The following MOV10 variants were observed in gnomAD, a reference collection of about 807,000 sequenced individuals.
The protein encoded by MOV10 is Mov10 RNA helicase, also known as RNA helicase MOV-10.
In MOV10, 39 loss-of-function variants were observed where a neutral mutation model predicts 108.4. The ratio of observed to expected loss-of-function variants is 0.36; its 90% CI spans 0.28 to 0.47. MOV10 has a LOEUF of 0.47. Among genes scored for constraint, MOV10 ranks in the 20% least tolerant of loss-of-function variants. The pLI, the probability that MOV10 is intolerant of heterozygous loss-of-function variation, is 1.00. For synonymous variants in MOV10, 490 were observed against 523.1 expected (o/e 0.94, Z 0.86); for missense variants, 952 against 1,297.6 (o/e 0.73, Z 4.09).
rs772592809 is a variant in MOV10 at position 112,698,267 on chromosome 1, TC to T, written c.2317-15del. On this transcript the variant is annotated intron_variant, in intron 15 of 20. Coordinates refer to ENST00000369645, the MANE Select transcript of MOV10 (RefSeq NM_001321324.2). ...AGGGAGGGTGGTCTGGCTGACGGTT[TC>T]CCCCGACCCCATGTCCAGGGCTTTC... 13 of 1,607,808 alleles carry T rather than the reference TC, an allele frequency of 8.1e-6. No homozygotes were observed. Among genetic ancestry groups the T allele is most frequent in the South Asian group, 1.1e-5 (1 of 90,536 alleles).
At chr1:112,680,608 A>C (rs1159255681) in intron 2 of MOV10, among the ~76,000 whole-genome samples, 25 of 121,288 alleles carry the variant, frequency 2.1e-4, no homozygotes, top group African/African-American at 6.5e-4. Flanking sequence ...GTGAGCCGAG[A>C]TTGTACCACT....
chr1:112,699,865 C>T lies in MOV10; in HGVS notation c.2710-29C>T, dbSNP rs372123261. 6.8e-6 allele frequency: 11 copies of T among 1,614,016 alleles called. No homozygotes were observed. In the South Asian group the frequency reaches 7.7e-5, roughly 11 times the overall value. ...TCTTCCATTCTCGGGGCTCTTCCCT[C>T]CCATGACCACACCACTTCTTCCTTC... On this transcript the variant is annotated intron_variant, in intron 18 of 20. Coordinates refer to ENST00000369645, the MANE Select transcript of MOV10 (RefSeq NM_001321324.2).
intron 7 of MOV10, among the ~76,000 whole-genome samples, chr1:112,693,495 C>T (rs1014420993): frequency 2.6e-5 from 4 of 152,090 alleles, no homozygotes; most frequent in African/African-American, 9.7e-5. Context: ...TCCCAAGTAG[C>T]TGGGACCACA....
rs1310678246 is a variant in MOV10 at position 112,675,584 on chromosome 1, T to A, written c.137+535T>A. Reference sequence around the variant, plus strand: ...TAGAAGGGAGAAGCTCAGGAAGCTCTGGAAAGAAGAAAAGGGCACAAACTA... The same window carrying A: ...TAGAAGGGAGAAGCTCAGGAAGCTCAGGAAAGAAGAAAAGGGCACAAACTA... On this transcript the variant is annotated intron_variant, in intron 2 of 20. Transcript: ENST00000369645. The surrounding 1 kb of genome is among the most constrained non-coding windows in gnomAD (Gnocchi z 4.7). Among the ~76,000 whole-genome samples, 1 of 152,156 alleles carries A rather than the reference T, an allele frequency of 6.6e-6. No homozygotes were observed. The highest frequency in any genetic ancestry group is 1.5e-5 in the Non-Finnish European group (1 of 68,018).
Position 112,695,505 on chromosome 1 carries a change from C to G in MOV10, c.1710C>G (p.His570Gln). The change falls in exon 11 of 21, where the codon CAC (histidine) becomes CAG (glutamine). Residue 570 changes from histidine (H) to glutamine (Q), a missense_variant. By Grantham distance (24) the His-to-Gln change is conservative. Coordinates refer to ENST00000369645, the MANE Select transcript of MOV10 (RefSeq NM_001321324.2). ...TACTCTGTCAAAGGCTCCGGGTCCACCTTCCTAGCTCCATCTACCGCCTCC... is the reference window on the plus strand; with the variant it reads ...TACTCTGTCAAAGGCTCCGGGTCCAGCTTCCTAGCTCCATCTACCGCCTCC... ...ADLLCQRLRV[H>Q]LPSSIYRLLA... The G allele has an allele frequency of 6.2e-7, 1 of 1,614,234 alleles. No individual in the cohort carries two copies. Among genetic ancestry groups the G allele is most frequent in the Non-Finnish European group, 8.5e-7 (1 of 1,180,050 alleles).
intron 7 of MOV10, 71 bp downstream of exon 7, chr1:112,693,000 T>C: frequency 2.1e-6 from 3 of 1,425,462 alleles, no homozygotes; most frequent in Non-Finnish European, 2.9e-6. Context: ...GGCAGAACTA[T>C]TCCTGACAGC....
intron 2 of MOV10, chr1:112,688,486 C>T: frequency 9.4e-7 from 1 of 1,063,776 alleles, no homozygotes; most frequent in Non-Finnish European, 1.1e-6. Context: ...TCTCTCCTCA[C>T]CAACAGGCTG....
At chr1:112,696,874 C>T in intron 14 of MOV10, 28 bp downstream of exon 14, 1 of 1,540,476 alleles carries the variant, frequency 6.5e-7, no homozygotes, top group Non-Finnish European at 8.8e-7. Flanking sequence ...CCTCCCCTGC[C>T]ATATCCTATG....
intron 2 of MOV10, among the ~76,000 whole-genome samples, chr1:112,682,687 G>A (rs888816866): frequency 6.6e-6 from 1 of 152,090 alleles, no homozygotes; most frequent in African/African-American, 2.4e-5. Flanking sequence ...TTTCATGACA[G>A]TACCTGTTCT....
intron 13 of MOV10, 29 bp downstream of exon 13, chr1:112,696,563 T>C (rs759622921): frequency 1.9e-6 from 3 of 1,611,610 alleles, no homozygotes; most frequent in East Asian, 4.5e-5. Flanking sequence ...GCTGCAGGTA[T>C]ACACCCTGTG....
In MOV10 at chr1:112,688,465, C is replaced by T. The variant is rs1407373177; in HGVS notation, c.138-470C>T. On this transcript the variant is annotated intron_variant, in intron 2 of 20. Coordinates refer to ENST00000369645, the MANE Select transcript of MOV10 (RefSeq NM_001321324.2). Reference sequence around the variant, plus strand: ...CCACACACTTGGACATCTGTACTGTCTCTGATCCCTTCTCTCCTCACCAAC... The same window carrying T: ...CCACACACTTGGACATCTGTACTGTTTCTGATCCCTTCTCTCCTCACCAAC... 7 of 1,046,622 alleles carry T rather than the reference C, an allele frequency of 6.7e-6. No homozygotes were observed. The African/African-American group carries it at 1.2e-4, about 18-fold the overall frequency. 64.8% of individuals were successfully genotyped at this position (1,046,622 alleles called of 1,614,324 possible).
chr1:112,678,390 G>A (rs1391303466), intron 2 of MOV10, among the ~76,000 whole-genome samples: 1 of 152,096 alleles, frequency 6.6e-6, no homozygotes, highest in African/African-American at 2.4e-5. Context: ...GAATGGCAAA[G>A]CAAAAGTGAG....
In MOV10 at chr1:112,696,801, A is replaced by G. The variant is rs527541634; in HGVS notation, c.2153A>G (p.Asp718Gly). ...TYNSLYKKGPDGYDPQFITKL... is the reference protein window; with the variant it reads ...TYNSLYKKGPGGYDPQFITKL... ...AACTCCCTGTACAAGAAGGGCCCTG[A>G]TGGCTATGACCCCCAGTTCATAACC... The change falls in exon 14 of 21, where the codon GAT (aspartate) becomes GGT (glycine). Residue 718 changes from aspartate to glycine, a missense_variant. By Grantham distance (94) the Asp-to-Gly change is moderately conservative. Around this residue, in one of 5 missense-constraint regions of MOV10, gnomAD observed 453 missense variants for 611.5 expected, o/e 0.74. Transcript: ENST00000369645. 1.2e-6 allele frequency: 2 copies of G among 1,605,544 alleles called. No homozygotes were observed. Among genetic ancestry groups the G allele is most frequent in the South Asian group, 2.2e-5 (2 of 89,556 alleles).
At chr1:112,678,947 C>G (rs567663328) in intron 2 of MOV10, among the ~76,000 whole-genome samples, 2 of 151,998 alleles carry the variant, frequency 1.3e-5, no homozygotes, top group South Asian at 4.2e-4. Context: ...CAATGCCTGC[C>G]CTTGAAACAA....
At chr1:112,693,954 T>C (rs1270697165) in intron 7 of MOV10, 64 bp from the exon 8 acceptor site, 1 of 1,538,188 alleles carries the variant, frequency 6.5e-7, no homozygotes, top group East Asian at 2.3e-5. Context: ...CTGGGGAACC[T>C]GGGGGCTGGG....
At chr1:112,678,732 G>A (rs1347759001) in intron 2 of MOV10, among the ~76,000 whole-genome samples, 1 of 152,052 alleles carries the variant, frequency 6.6e-6, no homozygotes, top group Non-Finnish European at 1.5e-5. Context: ...AGGGCCCTGG[G>A]TAGGCATTGT....
At chr1:112,695,157 TGAGGCTGCAGTGC>T (rs1673953753) in intron 10 of MOV10, among the ~76,000 whole-genome samples, 1 of 152,058 alleles carries the variant, frequency 6.6e-6, no homozygotes. Context: ...GCTGGGCACT[TGAGGCTGCAGTGC>T]GATTGTGCCA....
chr1:112,696,857 G>A lies in MOV10; in HGVS notation c.2198+11G>A. On this transcript the variant is annotated intron_variant, in intron 14 of 20. Transcript: ENST00000369645. ...GCTCCGCAACTACAGGTATTCCCATGCCCTTGCCTCCCCTGCCATATCCTA... is the reference window on the plus strand; with the variant it reads ...GCTCCGCAACTACAGGTATTCCCATACCCTTGCCTCCCCTGCCATATCCTA... 13 of 1,564,184 alleles carry A rather than the reference G, an allele frequency of 8.3e-6. No homozygotes were observed. The highest frequency in any genetic ancestry group is 1.1e-5 in the Non-Finnish European group (13 of 1,152,384).
At chr1:112,690,535 T>C (rs752942334) in intron 5 of MOV10, among the ~76,000 whole-genome samples, 4 of 152,192 alleles carry the variant, frequency 2.6e-5, no homozygotes, top group Admixed American at 6.5e-5. Flanking sequence ...AATTTTTGTA[T>C]TTTTAGTAGA....
Sources: allele counts gnomAD v4.1 joint callset (sites outside exome capture counted in the v4.1 genomes callset), GRCh38; gene constraint gnomAD v4.1.1; regional missense constraint gnomAD v4.1.1; non-coding constraint Gnocchi (gnomAD v3.1); transcripts MANE v1.5; gene names NCBI Gene and HGNC (gene_info 2026-07-23, HGNC 2026-07-21).